The following NRG1 variants were observed in gnomAD, a reference collection of about 807,000 sequenced individuals.
NRG1 encodes neuregulin 1, also known as pro-neuregulin-1, membrane-bound isoform.
NRG1 carries 18 observed loss-of-function variants against 63.8 expected under a neutral mutation model. The ratio of observed to expected loss-of-function variants is 0.28; its 90% confidence interval spans 0.19 to 0.42. The LOEUF (loss-of-function observed/expected upper bound fraction) is 0.42. NRG1 is among the 10% of genes least tolerant of loss of function. NRG1 has a pLI of 1.00. For synonymous variants in NRG1, 302 were observed against 301.3 expected (o/e 1.00, Z -0.02); for missense variants, 762 against 814.7 (o/e 0.94, Z 0.79).
chr8:31,900,582 C>T (rs890455571), intron 1 of NRG1, among the ~76,000 whole-genome samples: 2 of 152,110 alleles, frequency 1.3e-5, no homozygotes, highest in Admixed American at 6.6e-5. Context: ...CAGCCATGAT[C>T]AAATAAATTG....
At chr8:32,248,694 C>T (rs955273093) in intron 1 of NRG1, among the ~76,000 whole-genome samples, 12 of 151,914 alleles carry the variant, frequency 7.9e-5, no homozygotes, top group Non-Finnish European at 1.8e-4. Context: ...TTTGCTTAAA[C>T]ACAAATTTTT....
At chr8:32,313,404 C>T (rs1264424611) in intron 1 of NRG1, among the ~76,000 whole-genome samples, 1 of 152,070 alleles carries the variant, frequency 6.6e-6, no homozygotes, top group Non-Finnish European at 1.5e-5. Context: ...CCATGCATTT[C>T]TAGGAAGAAA....
intron 1 of NRG1, among the ~76,000 whole-genome samples, chr8:32,302,756 A>G (rs375902923): frequency 2.2e-5 from 3 of 134,780 alleles, no homozygotes; most frequent in East Asian, 2.2e-4. Context: ...CCATATGCCA[A>G]TTTTTTTCTT....
chr8:32,422,250 A>T (rs1052001434), intron 1 of NRG1, among the ~76,000 whole-genome samples: 2 of 152,184 alleles, frequency 1.3e-5, no homozygotes, highest in Non-Finnish European at 2.9e-5. Flanking sequence ...TAATATGATC[A>T]TATACCTATC....
At chr8:31,706,288 C>CA (rs1287337072) in intron 1 of NRG1, among the ~76,000 whole-genome samples, 1 of 152,028 alleles carries the variant, frequency 6.6e-6, no homozygotes, top group Non-Finnish European at 1.5e-5. Flanking sequence ...CTACTTTTTA[C>CA]AAAAAATGTA....
At chr8:31,949,235 G>T (rs907997984) in intron 1 of NRG1, among the ~76,000 whole-genome samples, 13 of 152,138 alleles carry the variant, frequency 8.5e-5, no homozygotes, top group Non-Finnish European at 1.5e-4. Flanking sequence ...TTTTGCAGAT[G>T]AAGAAACTGT....
intron 5 of NRG1, among the ~76,000 whole-genome samples, chr8:32,620,182 G>T (rs535081848): frequency 1.3e-5 from 2 of 152,246 alleles, no homozygotes; most frequent in South Asian, 4.1e-4. Context: ...CAGCTTCAAA[G>T]AATAGATTTC....
At chr8:31,832,375 T>C (rs1356989493) in intron 1 of NRG1, among the ~76,000 whole-genome samples, 1 of 151,572 alleles carries the variant, frequency 6.6e-6, no homozygotes, top group Non-Finnish European at 1.5e-5. Flanking sequence ...TCCTCCCACG[T>C]CAGCCTCCCG....
At position 32,136,510 on chromosome 8, in the gene NRG1, AG is replaced by A. The variant is rs1210682245; in HGVS notation, c.38-459316del. ...TCCTTCACTACTCTTCACAGATAGTAGGCCATTGTGATGGTCTACTTGAGCT... is the reference window on the plus strand; with the variant it reads ...TCCTTCACTACTCTTCACAGATAGTAGCCATTGTGATGGTCTACTTGAGCT... On this transcript the variant is annotated intron_variant, in intron 1 of 10. Coordinates refer to the NRG1 transcript ENST00000519301. 2.0e-5 allele frequency among the ~76,000 whole-genome samples: 3 copies of A among 152,246 alleles called. 1 individual carries two copies. Among genetic ancestry groups the A allele is most frequent in the Admixed American group, 2.0e-4 (3 of 15,286 alleles).
At chr8:32,370,185 G>A (rs1193222599) in intron 1 of NRG1, among the ~76,000 whole-genome samples, 1 of 152,136 alleles carries the variant, frequency 6.6e-6, no homozygotes, top group Non-Finnish European at 1.5e-5. Context: ...TCCTAAGTAA[G>A]CTTGAAAATC....
chr8:31,992,946 C>T (rs945854161), intron 1 of NRG1, among the ~76,000 whole-genome samples: 2 of 151,996 alleles, frequency 1.3e-5, no homozygotes, highest in East Asian at 3.9e-4. Context: ...TCATATTACC[C>T]TGAAATAGAT....
At chr8:32,616,315 C>T (rs1268926650) in intron 4 of NRG1, among the ~76,000 whole-genome samples, 1 of 151,870 alleles carries the variant, frequency 6.6e-6, no homozygotes, top group African/African-American at 2.4e-5. Context: ...TATTCTATTG[C>T]TCTAGCAGAC....
intron 7 of NRG1, among the ~76,000 whole-genome samples, chr8:32,750,402 G>T (rs908011566): frequency 6.6e-6 from 1 of 152,104 alleles, no homozygotes; most frequent in Non-Finnish European, 1.5e-5. Flanking sequence ...AGTCTCTGGG[G>T]AGTAAGGAGC....
intron 1 of NRG1, among the ~76,000 whole-genome samples, chr8:32,437,180 T>TA (rs1818897891): frequency 1.3e-5 from 2 of 152,088 alleles, no homozygotes; most frequent in Non-Finnish European, 2.9e-5. Flanking sequence ...TGCTAACACC[T>TA]ACCTACCTAC....
chr8:31,885,056 A>C (rs974794464), intron 1 of NRG1, among the ~76,000 whole-genome samples: 1 of 152,074 alleles, frequency 6.6e-6, no homozygotes, highest in Non-Finnish European at 1.5e-5. Flanking sequence ...AATAAGAAGA[A>C]ATTGTGTTTC....
At chr8:32,373,775 C>T (rs1362753512) in intron 1 of NRG1, among the ~76,000 whole-genome samples, 1 of 151,848 alleles carries the variant, frequency 6.6e-6, no homozygotes, top group African/African-American at 2.4e-5. Flanking sequence ...GAGATCCTGT[C>T]TCAAAAAAAT....
intron 1 of NRG1, among the ~76,000 whole-genome samples, chr8:32,485,611 G>C (rs1008791202): frequency 6.6e-6 from 1 of 152,220 alleles, no homozygotes; most frequent in African/African-American, 2.4e-5. Flanking sequence ...GTAGGTGGGA[G>C]AAAGGAAGAA....
At chr8:31,817,717 G>A (rs535920336) in intron 1 of NRG1, among the ~76,000 whole-genome samples, 62 of 152,268 alleles carry the variant, frequency 4.1e-4, no homozygotes, top group Admixed American at 6.5e-4. Context: ...ACAAACAAAA[G>A]CATTGAACAT....
At chr8:32,387,148 A>C (rs1811120661) in intron 1 of NRG1, among the ~76,000 whole-genome samples, 1 of 152,210 alleles carries the variant, frequency 6.6e-6, no homozygotes. Context: ...AGCAATTTTC[A>C]GTAAATACAA....
Sources: gnomAD v4.1 joint callset for allele counts (sites outside exome capture counted in the v4.1 genomes callset) on GRCh38, gnomAD v4.1.1 for gene constraint, MANE v1.5 for transcripts, NCBI Gene and HGNC (gene_info 2026-07-23, HGNC 2026-07-21) for gene names.